The following SUMF1 variants were observed in gnomAD, a reference collection of about 807,000 sequenced individuals.
SUMF1 encodes sulfatase modifying factor 1, also known as formylglycine-generating enzyme.
In SUMF1, 48 loss-of-function variants were observed where a neutral mutation model predicts 47.6. That is an observed-to-expected ratio of 1.01 (90% CI 0.80 to 1.28). The LOEUF (loss-of-function observed/expected upper bound fraction) is 1.28, where lower values mean the gene tolerates loss of function less well. Among genes scored for constraint, SUMF1 ranks in the 50% most tolerant of loss-of-function variants. The pLI is 0.00. For synonymous variants in SUMF1, 230 were observed against 192.1 expected (o/e 1.20, Z -1.63); for missense variants, 571 against 485.4 (o/e 1.18, Z -1.66).
rs372226636 is a variant in SUMF1, at chr3:4,333,861, C to T, written c.1014+42469G>A. Among the ~76,000 whole-genome samples, 260 of 151,744 alleles carry T rather than the reference C, an allele frequency of 1.7e-3. 2 individuals carry two copies. The highest frequency in any genetic ancestry group is 6.1e-3 in the African/African-American group (250 of 41,320). ...AGTTTTAGCCAGCCAGGCATAGTGGCTCACACTTGTAATCCCAGCACTTTT... is the reference window on the plus strand; with the variant it reads ...AGTTTTAGCCAGCCAGGCATAGTGGTTCACACTTGTAATCCCAGCACTTTT... On this transcript the variant is annotated intron_variant and NMD_transcript_variant, in intron 8 of 12. Coordinates refer to the SUMF1 transcript ENST00000448413.
At chr3:4,379,235 G>A (rs75108792) in intron 7 of SUMF1, among the ~76,000 whole-genome samples, 5,731 of 152,334 alleles carry the variant, frequency 0.038, 133 homozygotes, top group Middle Eastern at 0.078. Context: ...CAGCCCTAGT[G>A]TCTGACCTGA....
intron 8 of SUMF1, among the ~76,000 whole-genome samples, chr3:4,346,720 C>CA (rs144662987): frequency 0.19 from 28,001 of 151,010 alleles, 2,696 homozygotes; most frequent in Middle Eastern, 0.25. Context: ...AAAAAACCCT[C>CA]AAAAAAAATC....
At chr3:4,296,716 G>A (rs1697860309) in intron 8 of SUMF1, among the ~76,000 whole-genome samples, 1 of 151,976 alleles carries the variant, frequency 6.6e-6, no homozygotes, top group Non-Finnish European at 1.5e-5. Context: ...GATTTGGATG[G>A]GAACACAGCG....
rs936697385 is a variant in SUMF1 at position 4,164,709 on chromosome 3, A to G, written c.1015-95964T>C. Among the ~76,000 whole-genome samples the G allele has an allele frequency of 3.3e-5, 5 of 152,154 alleles. No homozygotes were observed. The South Asian group carries it at 1.0e-3, about 32-fold the overall frequency. ...TTGCCTGCTCCTCTTGGTCCCTATT[A>G]TAGAACACTGAGGTTGCCAGGTTTA... On this transcript the variant is annotated intron_variant and NMD_transcript_variant, in intron 8 of 12. Coordinates refer to the SUMF1 transcript ENST00000448413.
intron 8 of SUMF1, among the ~76,000 whole-genome samples, chr3:4,161,909 T>A (rs1046300779): frequency 3.3e-5 from 5 of 152,002 alleles, no homozygotes; most frequent in Non-Finnish European, 5.9e-5. Flanking sequence ...GGAAATGTGC[T>A]GGGTCACACT....
At chr3:4,102,805 G>A (rs113257843) in intron 8 of SUMF1, among the ~76,000 whole-genome samples, 1 of 151,864 alleles carries the variant, frequency 6.6e-6, no homozygotes, top group African/African-American at 2.4e-5. Context: ...GGTGAAGGAA[G>A]GAGTAGGGAA....
chr3:4,110,759 C>T (rs1370319211), intron 8 of SUMF1, among the ~76,000 whole-genome samples: 11 of 147,608 alleles, frequency 7.5e-5, no homozygotes, highest in African/African-American at 2.5e-4. Flanking sequence ...AACCAAACAC[C>T]GCATGTTCTC....
chr3:4,294,292 T>A (rs1006996156), intron 8 of SUMF1, among the ~76,000 whole-genome samples: 5 of 152,286 alleles, frequency 3.3e-5, no homozygotes, highest in African/African-American at 1.2e-4. Context: ...TAGTTACACG[T>A]GGCCACGTCC....
At chr3:4,106,320 T>C (rs1457178493) in intron 8 of SUMF1, among the ~76,000 whole-genome samples, 1 of 152,124 alleles carries the variant, frequency 6.6e-6, no homozygotes, top group African/African-American at 2.4e-5. Flanking sequence ...TTTGTAGTGA[T>C]ATTTCTACTT....
At chr3:4,240,597 A>C (rs970612221) in intron 8 of SUMF1, among the ~76,000 whole-genome samples, 8 of 152,236 alleles carry the variant, frequency 5.3e-5, no homozygotes, top group African/African-American at 1.9e-4. Context: ...AGAGGCTTAG[A>C]CAAAGATATT....
chr3:4,335,659 A>C (rs1699131964), intron 8 of SUMF1, among the ~76,000 whole-genome samples: 2 of 152,106 alleles, frequency 1.3e-5, no homozygotes, highest in Admixed American at 6.6e-5. Flanking sequence ...AAATAGCCCC[A>C]GCTGGCCAGG....
chr3:4,265,818 C>G (rs3901396), intron 8 of SUMF1, among the ~76,000 whole-genome samples: 72,905 of 151,948 alleles, frequency 0.48, 18,116 homozygotes, highest in African/African-American at 0.58. Flanking sequence ...CCTATGTCCT[C>G]AATGGTAATG....
intron 9 of SUMF1, among the ~76,000 whole-genome samples, chr3:4,035,089 T>C (rs1252874419): frequency 6.6e-6 from 1 of 152,070 alleles, no homozygotes; most frequent in Admixed American, 6.6e-5. Flanking sequence ...AAGGCACTGA[T>C]GGCCATAATA....
At chr3:4,311,079 A>G (rs975473576) in intron 8 of SUMF1, among the ~76,000 whole-genome samples, 1 of 152,208 alleles carries the variant, frequency 6.6e-6, no homozygotes, top group Admixed American at 6.5e-5. Context: ...CAACACAAAC[A>G]AAAGCTATTT....
chr3:4,052,435 G>A (rs904759193), intron 9 of SUMF1, among the ~76,000 whole-genome samples: 1 of 152,138 alleles, frequency 6.6e-6, no homozygotes, highest in African/African-American at 2.4e-5. Context: ...ACTAGAGCTT[G>A]GGGCTAGCCC....
intron 8 of SUMF1, among the ~76,000 whole-genome samples, chr3:4,332,322 T>C (rs891790621): frequency 6.6e-6 from 1 of 152,200 alleles, no homozygotes; most frequent in Admixed American, 6.5e-5. Flanking sequence ...CCCTAAACAA[T>C]TGTCAGCTAG....
intron 8 of SUMF1, among the ~76,000 whole-genome samples, chr3:4,180,099 G>A (rs911149548): frequency 1.3e-5 from 2 of 152,166 alleles, no homozygotes; most frequent in East Asian, 3.9e-4. Context: ...GTTGGTGGGA[G>A]TGTAAATTAG....
chr3:4,174,183 C>T (rs756593995), intron 8 of SUMF1, among the ~76,000 whole-genome samples: 42 of 151,606 alleles, frequency 2.8e-4, no homozygotes, highest in Admixed American at 1.1e-3. Flanking sequence ...GGTGAAACCC[C>T]GTCTCTACTA....
intron 8 of SUMF1, among the ~76,000 whole-genome samples, chr3:4,249,889 A>G (rs1696755280): frequency 6.6e-6 from 1 of 152,196 alleles, no homozygotes; most frequent in Admixed American, 6.5e-5. Flanking sequence ...AGAATGCAAA[A>G]GAGTCTCATT....
Sources: allele counts gnomAD v4.1 joint callset (sites outside exome capture counted in the v4.1 genomes callset), GRCh38; gene constraint gnomAD v4.1.1; transcripts MANE v1.5; gene names NCBI Gene and HGNC (gene_info 2026-07-23, HGNC 2026-07-21).